Variants in TMTC4 observed in about 807,000 individuals in gnomAD.
The protein encoded by TMTC4 is protein O-mannosyl-transferase TMTC4.
In TMTC4, 65 loss-of-function variants were observed where a neutral mutation model predicts 86.0. The observed-to-expected ratio is 0.76, with a 90% CI of 0.62 to 0.93. The LOEUF is 0.93. TMTC4 is among the 40% of genes least tolerant of loss of function. The pLI is 0.00. For synonymous variants in TMTC4, 379 were observed against 382.5 expected (o/e 0.99, Z 0.11); for missense variants, 866 against 948.1 (o/e 0.91, Z 1.14).
chr13:100,659,650 C>T (rs1885525434), intron 5 of TMTC4, among the ~76,000 whole-genome samples: 1 of 151,980 alleles, frequency 6.6e-6, no homozygotes, highest in South Asian at 2.1e-4. Context: ...GGCTCTCCTC[C>T]TTGCAGTAGG....
intron 6 of TMTC4, among the ~76,000 whole-genome samples, chr13:100,652,231 C>A (rs1478365883): frequency 6.6e-6 from 1 of 152,086 alleles, no homozygotes; most frequent in African/African-American, 2.4e-5. Flanking sequence ...GTAATCCCAG[C>A]ACTTTGGGAG....
At chr13:100,664,116 C>A in intron 4 of TMTC4, 105 bp downstream of exon 4, 2 of 977,850 alleles carry the variant, frequency 2.0e-6, no homozygotes, top group Non-Finnish European at 3.0e-6. Context: ...CCTGGAGCCA[C>A]TGACTAGACT....
At chr13:100,659,216 T>C (rs1885470916) in intron 5 of TMTC4, among the ~76,000 whole-genome samples, 2 of 152,218 alleles carry the variant, frequency 1.3e-5, no homozygotes, top group South Asian at 4.1e-4. Context: ...CGATTCCTTC[T>C]GGGTTAACGT....
chr13:100,632,053 A>ACACACACACACACACTCTCTCTCT (rs1296569630), intron 12 of TMTC4, among the ~76,000 whole-genome samples: 7 of 43,144 alleles, frequency 1.6e-4, no homozygotes, highest in African/African-American at 4.2e-4. Flanking sequence ...ACACACACAC[A>ACACACACACACACACTCTCTCTCT]CTCTCTCTCT....
intron 12 of TMTC4, among the ~76,000 whole-genome samples, chr13:100,631,528 T>C (rs774788149): frequency 5.3e-5 from 8 of 152,200 alleles, no homozygotes; most frequent in African/African-American, 4.8e-5. Context: ...GTAGTCTCAG[T>C]GAATTCAACT....
intron 12 of TMTC4, among the ~76,000 whole-genome samples, chr13:100,626,449 A>T (rs886849101): frequency 5.3e-5 from 8 of 152,090 alleles, no homozygotes; most frequent in Non-Finnish European, 5.9e-5. Flanking sequence ...GCTTTTTAAA[A>T]TTTTACTTTT....
At chr13:100,620,820 G>C (rs767961549) in intron 15 of TMTC4, among the ~76,000 whole-genome samples, 1 of 151,908 alleles carries the variant, frequency 6.6e-6, no homozygotes, top group Non-Finnish European at 1.5e-5. Flanking sequence ...ACTAGAGAGT[G>C]ATTTCTTAAA....
At chr13:100,637,738 T>G in intron 8 of TMTC4, 36 bp from the exon 9 acceptor site, 1 of 1,601,598 alleles carries the variant, frequency 6.2e-7, no homozygotes, top group Non-Finnish European at 8.5e-7. Context: ...AGGTGGCTGA[T>G]TTTCACATAA....
chr13:100,637,966 A>G lies in TMTC4; in HGVS notation c.798T>C (p.Ile266=), dbSNP rs1318370351. The change falls in exon 8 of 19, where the codon ATT becomes ATC. Residue 266 remains isoleucine, a synonymous_variant. Coordinates refer to ENST00000342624, the MANE Select transcript of TMTC4 (RefSeq NM_032813.5). ...LVIGKFNVLE[I]VQKVLHKDKS... ...TGTCCTTATGTAGTACCTTCTGGAC[A>G]ATTTCCAGAACATTGAATTTGCCTA... The G allele has an allele frequency of 5.0e-6, 8 of 1,614,078 alleles. No homozygotes were observed. Among genetic ancestry groups the G allele is most frequent in the Middle Eastern group, 1.6e-4 (1 of 6,062 alleles).
intron 6 of TMTC4, among the ~76,000 whole-genome samples, chr13:100,654,274 T>C (rs534179055): frequency 2.6e-5 from 4 of 152,326 alleles, no homozygotes; most frequent in African/African-American, 9.6e-5. Context: ...CTCAAAAACA[T>C]CTACAAATTT....
At chr13:100,672,693 T>A (rs1035925940) in intron 1 of TMTC4, among the ~76,000 whole-genome samples, 7 of 152,206 alleles carry the variant, frequency 4.6e-5, no homozygotes, top group African/African-American at 1.7e-4. Flanking sequence ...GGTCTCACTA[T>A]GTTGCCCAGG....
At chr13:100,619,374 C>CAG (rs1879138681) in intron 15 of TMTC4, among the ~76,000 whole-genome samples, 1 of 137,970 alleles carries the variant, frequency 7.2e-6, no homozygotes, top group African/African-American at 2.6e-5. Context: ...CACACACACA[C>CAG]AGTGATGGAT....
intron 6 of TMTC4, among the ~76,000 whole-genome samples, chr13:100,655,474 C>T (rs934398767): frequency 6.6e-5 from 10 of 152,158 alleles, no homozygotes; most frequent in African/African-American, 2.4e-4. Context: ...GAAGGGACCC[C>T]TCCCTCCCAG....
chr13:100,614,533 C>T, intron 15 of TMTC4, 103 bp from the exon 16 acceptor site: 1 of 947,004 alleles, frequency 1.1e-6, no homozygotes, highest in Non-Finnish European at 1.5e-6. Flanking sequence ...GCCCAACAAA[C>T]AACAATAAAA....
chr13:100,638,112 A>G (rs1396808960), intron 7 of TMTC4, 90 bp from the exon 8 acceptor site: 5 of 927,792 alleles, frequency 5.4e-6, no homozygotes, highest in Non-Finnish European at 6.8e-6. Context: ...CTCAATCTAG[A>G]CAAGGAACAC....
Position 100,653,495 on chromosome 13 carries a change from G to A in TMTC4, c.640+2886C>T, listed in dbSNP as rs551054532. 2.6e-5 allele frequency among the ~76,000 whole-genome samples: 4 copies of A among 152,234 alleles called. No individual in the cohort carries two copies. In the South Asian group the frequency reaches 8.3e-4, roughly 32 times the overall value. On this transcript the variant is annotated intron_variant, in intron 6 of 18. Transcript: ENST00000342624. ...TGAAGTGACAGAGGGTGGGTCTCAG[G>A]GTACAGCACCTTGTTGGGGAGGGGT...
intron 9 of TMTC4, 88 bp downstream of exon 9, chr13:100,637,450 G>C (rs1203864388): frequency 8.1e-5 from 122 of 1,500,066 alleles, no homozygotes; most frequent in Non-Finnish European, 1.1e-4. Context: ...TTGGCGTGCA[G>C]AGGAGTGAGA....
intron 12 of TMTC4, 54 bp downstream of exon 12, chr13:100,634,751 A>C: frequency 6.3e-7 from 1 of 1,579,064 alleles, no homozygotes; most frequent in Non-Finnish European, 8.6e-7. Flanking sequence ...CAGCCCAAGA[A>C]CTTAACAGAT....
chr13:100,634,662 A>G (rs11619713), intron 12 of TMTC4, 143 bp downstream of exon 12: 2 of 1,067,032 alleles, frequency 1.9e-6, no homozygotes, highest in African/African-American at 1.6e-5. Flanking sequence ...ATTAAAAAAA[A>G]CCATACATAA....
Sources: allele counts gnomAD v4.1 joint callset (sites outside exome capture counted in the v4.1 genomes callset), GRCh38; gene constraint gnomAD v4.1.1; transcripts MANE v1.5; gene names NCBI Gene and HGNC (gene_info 2026-07-23, HGNC 2026-07-21).